Variants in RASAL2 observed in about 807,000 individuals in gnomAD.
RASAL2 encodes the protein RAS protein activator like 2.
RASAL2 carries 58 observed loss-of-function variants against 128.9 expected under a neutral mutation model. That is an observed-to-expected ratio of 0.45 (90% CI 0.36 to 0.56). The LOEUF (loss-of-function observed/expected upper bound fraction) is 0.56, where lower values mean the gene tolerates loss of function less well. Among genes scored for constraint, RASAL2 ranks in the 20% least tolerant of loss-of-function variants. The pLI, the probability that RASAL2 is intolerant of heterozygous loss-of-function variation, is 0.00. For synonymous variants in RASAL2, 561 were observed against 580.8 expected (o/e 0.97, Z 0.49); for missense variants, 1,360 against 1,601.6 (o/e 0.85, Z 2.57).
chr1:178,283,515 T>C, intron 1 of RASAL2, 49 bp from the exon 2 acceptor site: 5 of 1,587,726 alleles, frequency 3.1e-6, no homozygotes, highest in Non-Finnish European at 4.3e-6. Context: ...ACTGGTTTAC[T>C]AAGCAAGATA....
intron 2 of RASAL2, among the ~76,000 whole-genome samples, chr1:178,299,578 A>G (rs1651776271): frequency 6.6e-6 from 1 of 150,522 alleles, no homozygotes; most frequent in Non-Finnish European, 1.5e-5. Context: ...GCTCACTGCA[A>G]CCTCTGCCTC....
chr1:178,362,449 C>T (rs369397430), intron 3 of RASAL2, among the ~76,000 whole-genome samples: 1 of 151,582 alleles, frequency 6.6e-6, no homozygotes, highest in Non-Finnish European at 1.5e-5. Flanking sequence ...TCCCTCCCTC[C>T]TTCCTTCTCT....
chr1:178,466,760 C>T (rs1360055526), intron 16 of RASAL2, among the ~76,000 whole-genome samples: 3 of 152,334 alleles, frequency 2.0e-5, no homozygotes, highest in East Asian at 1.9e-4. Flanking sequence ...ATGCTCATAA[C>T]CTCTATGCCT....
Position 178,221,160 on chromosome 1 carries a change from A to C in RASAL2, c.203-62404A>C, listed in dbSNP as rs145245957. Among the ~76,000 whole-genome samples, 17 of 152,242 alleles carry C rather than the reference A, an allele frequency of 1.1e-4. No individual in the cohort carries two copies. In the East Asian group the frequency reaches 3.3e-3, roughly 29 times the overall value. On this transcript the variant is annotated intron_variant, in intron 1 of 17. Transcript: ENST00000367649. ...ATGTCGTTGTTTGAACTTGTGATTG[A>C]TTCCCTAGTGAAATACTTTGTGGAG...
At chr1:178,407,259 ATAAACT>A (rs1674057395) in intron 4 of RASAL2, among the ~76,000 whole-genome samples, 1 of 152,254 alleles carries the variant, frequency 6.6e-6, no homozygotes, top group South Asian at 2.1e-4. Flanking sequence ...TAACTGGAAG[ATAAACT>A]TAAGTAAAAT....
intron 3 of RASAL2, among the ~76,000 whole-genome samples, chr1:178,360,209 C>T (rs1671035610): frequency 1.3e-5 from 2 of 152,314 alleles, no homozygotes; most frequent in Non-Finnish European, 2.9e-5. Context: ...AGTTCTTTCA[C>T]TCCTCCACCC....
intron 1 of RASAL2, among the ~76,000 whole-genome samples, chr1:178,172,836 T>G (rs1407229302): frequency 6.6e-6 from 1 of 152,092 alleles, no homozygotes; most frequent in East Asian, 1.9e-4. Flanking sequence ...AATAGTGTTG[T>G]CATTGGTGAC....
At chr1:178,341,583 G>A in intron 3 of RASAL2, 1 of 1,613,992 alleles carries the variant, frequency 6.2e-7, no homozygotes, top group Non-Finnish European at 8.5e-7. Context: ...AGCACACCCA[G>A]AAACTTCACA....
chr1:178,156,269 T>C (rs2101887073), intron 1 of RASAL2, among the ~76,000 whole-genome samples: 1 of 152,318 alleles, frequency 6.6e-6, no homozygotes, highest in East Asian at 1.9e-4. Flanking sequence ...TGATTTAAAT[T>C]ATTGTTTTTA....
chr1:178,311,253 A>ACAAACACACACACACACACAC (rs1668232217), intron 3 of RASAL2, among the ~76,000 whole-genome samples: 1 of 143,602 alleles, frequency 7.0e-6, no homozygotes. Context: ...CACACACACA[A>ACAAACACACACACACACACAC]ACACACACAC....
At chr1:178,313,169 A>G (rs1436180963) in intron 3 of RASAL2, among the ~76,000 whole-genome samples, 3 of 152,186 alleles carry the variant, frequency 2.0e-5, no homozygotes, top group Non-Finnish European at 4.4e-5. Context: ...GTTTGCCTTT[A>G]CCAAAATTAT....
At chr1:178,142,187 G>A (rs1414909633) in intron 1 of RASAL2, among the ~76,000 whole-genome samples, 2 of 152,094 alleles carry the variant, frequency 1.3e-5, no homozygotes, top group Non-Finnish European at 2.9e-5. Context: ...GGGTTCCTTT[G>A]GCAGTATCCA....
At chr1:178,400,616 T>A (rs193193636) in intron 4 of RASAL2, among the ~76,000 whole-genome samples, 74 of 152,310 alleles carry the variant, frequency 4.9e-4, no homozygotes, top group African/African-American at 1.4e-3. Context: ...TTTGATATTT[T>A]AAAAAAATTT....
At chr1:178,231,001 A>G (rs201684513) in intron 1 of RASAL2, among the ~76,000 whole-genome samples, 1 of 152,120 alleles carries the variant, frequency 6.6e-6, no homozygotes, top group African/African-American at 2.4e-5. Flanking sequence ...AAGGTCATAT[A>G]CCAGTTAAAC....
At chr1:178,447,226 G>GT (rs925443092) in intron 9 of RASAL2, among the ~76,000 whole-genome samples, 1 of 151,990 alleles carries the variant, frequency 6.6e-6, no homozygotes, top group African/African-American at 2.4e-5. Context: ...GGAGGCCAAG[G>GT]TAAGAGAACT....
Position 178,404,622 on chromosome 1 carries a change from G to A in RASAL2, c.564+14416G>A, listed in dbSNP as rs962732761. On this transcript the variant is annotated intron_variant, in intron 4 of 17. Coordinates refer to ENST00000367649, the MANE Select transcript of RASAL2 (RefSeq NM_170692.4). ...TCTCAATCTCTTGACCTCGTGATCC[G>A]CCCACCTCGGCCTCCCAAAGTACTG... Among the ~76,000 whole-genome samples, 8 of 147,720 alleles carry A rather than the reference G, an allele frequency of 5.4e-5. 1 individual carries two copies. The highest frequency in any genetic ancestry group is 8.9e-5 in the Non-Finnish European group (6 of 67,358).
At chr1:178,233,902 G>C (rs796477076) in intron 1 of RASAL2, among the ~76,000 whole-genome samples, 1 of 152,158 alleles carries the variant, frequency 6.6e-6, no homozygotes, top group African/African-American at 2.4e-5. Context: ...TGAATAAGGG[G>C]AAAAAAGGGA....
At chr1:178,228,572 TC>T (rs1663875796) in intron 1 of RASAL2, among the ~76,000 whole-genome samples, 1 of 152,080 alleles carries the variant, frequency 6.6e-6, no homozygotes. Flanking sequence ...CGAGACTCCG[TC>T]CCGGGGAAAC....
Position 178,230,438 on chromosome 1 carries a change from A to G in RASAL2, c.203-53126A>G, listed in dbSNP as rs112777758. Among the ~76,000 whole-genome samples, 817 of 152,318 alleles carry G rather than the reference A, an allele frequency of 5.4e-3. 6 individuals are homozygous for G. Among genetic ancestry groups the G allele is most frequent in the African/African-American group, 0.018 (751 of 41,566 alleles). ...CAATCATGAGAGTTCTGGTTACTCT[A>G]CATCCTCACCAGCATGTGGTTTTAT... On this transcript the variant is annotated intron_variant, in intron 1 of 17. Transcript: ENST00000367649.
Sources: gnomAD v4.1 joint callset for allele counts (sites outside exome capture counted in the v4.1 genomes callset) on GRCh38, gnomAD v4.1.1 for gene constraint, MANE v1.5 for transcripts, NCBI Gene and HGNC (gene_info 2026-07-23, HGNC 2026-07-21) for gene names.